UNC5C: variants seen among roughly 807,000 people sequenced by gnomAD.
The protein encoded by UNC5C is unc-5 netrin receptor C, also known as netrin receptor UNC5C.
UNC5C carries 47 observed loss-of-function variants against 99.8 expected under a neutral mutation model. The ratio of observed to expected loss-of-function variants is 0.47; its 90% confidence interval spans 0.37 to 0.60. UNC5C has a LOEUF of 0.60. Among genes scored for constraint, UNC5C ranks in the 20% least tolerant of loss-of-function variants. The probability of loss-of-function intolerance (pLI) is 0.00; values close to 1 mark genes in which losing one functional copy is unlikely to be tolerated. For missense variants in UNC5C, 1,062 were observed against 1,165.9 expected (o/e 0.91, Z 1.30); for synonymous variants, 487 against 452.2 (o/e 1.08, Z -0.98).
chr4:95,245,415 G>A (rs1423478969), intron 5 of UNC5C, among the ~76,000 whole-genome samples: 1 of 152,028 alleles, frequency 6.6e-6, no homozygotes, highest in Non-Finnish European at 1.5e-5. Flanking sequence ...TTTGGCCAGT[G>A]TTCTTAAAAA....
intron 14 of UNC5C, among the ~76,000 whole-genome samples, chr4:95,171,344 T>C (rs1017367131): frequency 6.6e-6 from 1 of 151,638 alleles, no homozygotes; most frequent in African/African-American, 2.4e-5. Context: ...TAACTCATCA[T>C]CTAGCATTAG....
intron 11 of UNC5C, among the ~76,000 whole-genome samples, chr4:95,204,509 G>A (rs576937870): frequency 6.6e-5 from 10 of 152,350 alleles, no homozygotes; most frequent in African/African-American, 2.2e-4. Flanking sequence ...AGGAATGCAG[G>A]CCAAGTATGG....
intron 1 of UNC5C, among the ~76,000 whole-genome samples, chr4:95,536,054 A>T (rs1055593889): frequency 1.6e-5 from 2 of 121,552 alleles, no homozygotes; most frequent in East Asian, 2.2e-4. Flanking sequence ...GTCCATATAC[A>T]TACATACATA....
Position 95,396,387 on chromosome 4 carries a change from A to G in UNC5C, c.125-60756T>C, listed in dbSNP as rs1295297170. On this transcript the variant is annotated intron_variant, in intron 1 of 15. Coordinates refer to ENST00000453304, the MANE Select transcript of UNC5C (RefSeq NM_003728.4). ...GAGATAAGAAGAGGAGAGAAATGAT[A>G]TACATTTTCTTTTCTCAGGGAAATA... Among the ~76,000 whole-genome samples, 4 of 152,330 alleles carry G rather than the reference A, an allele frequency of 2.6e-5. No homozygotes were observed. The East Asian group carries it at 7.7e-4, about 29-fold the overall frequency.
At chr4:95,265,515 AAC>A (rs1269026322) in intron 4 of UNC5C, among the ~76,000 whole-genome samples, 1 of 152,234 alleles carries the variant, frequency 6.6e-6, no homozygotes, top group Non-Finnish European at 1.5e-5. Context: ...TATAAATAAT[AAC>A]ACACAACACA....
chr4:95,417,690 G>A (rs77438170), intron 1 of UNC5C, among the ~76,000 whole-genome samples: 3,520 of 152,192 alleles, frequency 0.023, 165 homozygotes, highest in African/African-American at 0.08. Flanking sequence ...ACGGGGGCAG[G>A]CACAAAGGGA....
At chr4:95,489,578 A>G (rs1269155919) in intron 1 of UNC5C, among the ~76,000 whole-genome samples, 1 of 151,684 alleles carries the variant, frequency 6.6e-6, no homozygotes, top group Middle Eastern at 3.2e-3. Context: ...GAAGCAAGAA[A>G]CAGTTAGATT....
intron 5 of UNC5C, among the ~76,000 whole-genome samples, chr4:95,249,350 C>T (rs1347603268): frequency 3.9e-5 from 6 of 152,270 alleles, no homozygotes; most frequent in Middle Eastern, 3.4e-3. Context: ...CCAAGGCCCA[C>T]GGAGTTTAAC....
chr4:95,205,414 G>A lies in UNC5C; in HGVS notation c.1902+1214C>T, dbSNP rs149308569. Among the ~76,000 whole-genome samples the A allele has an allele frequency of 3.6e-3, 545 of 152,082 alleles. 4 individuals are homozygous for A. Among genetic ancestry groups the A allele is most frequent in the South Asian group, 6.8e-3 (33 of 4,820 alleles). ...TTTATTTATTTATTATGTACGCTTC[G>A]GCAAGCAGTGATCCCCTGATATGGT... On this transcript the variant is annotated intron_variant, in intron 11 of 15. Coordinates refer to ENST00000453304, the MANE Select transcript of UNC5C (RefSeq NM_003728.4).
intron 1 of UNC5C, among the ~76,000 whole-genome samples, chr4:95,524,052 A>G (rs989745888): frequency 1.3e-5 from 2 of 152,324 alleles, no homozygotes; most frequent in Non-Finnish European, 2.9e-5. Context: ...CTTTTTGCAT[A>G]GTGATGATTC....
intron 1 of UNC5C, among the ~76,000 whole-genome samples, chr4:95,443,298 G>A (rs1747004283): frequency 6.6e-6 from 1 of 152,160 alleles, no homozygotes; most frequent in African/African-American, 2.4e-5. Context: ...ATCAGGGAGG[G>A]CCTCAGAGGT....
intron 1 of UNC5C, among the ~76,000 whole-genome samples, chr4:95,397,009 T>C (rs1170723884): frequency 1.3e-5 from 2 of 152,042 alleles, no homozygotes; most frequent in African/African-American, 4.8e-5. Context: ...ATGGGTTTGA[T>C]GCATTCAGGG....
At chr4:95,528,758 A>G (rs1445755540) in intron 1 of UNC5C, among the ~76,000 whole-genome samples, 2 of 152,182 alleles carry the variant, frequency 1.3e-5, no homozygotes, top group Non-Finnish European at 1.5e-5. Flanking sequence ...AGGTAAAGAC[A>G]AGAGCTGTTA....
At chr4:95,354,260 C>A (rs1229351388) in intron 1 of UNC5C, among the ~76,000 whole-genome samples, 1 of 151,880 alleles carries the variant, frequency 6.6e-6, no homozygotes, top group African/African-American at 2.4e-5. Flanking sequence ...TGTAGCTCCT[C>A]GTTTCCTATA....
chr4:95,454,255 G>A (rs368676046), intron 1 of UNC5C, among the ~76,000 whole-genome samples: 1 of 148,534 alleles, frequency 6.7e-6, no homozygotes, highest in South Asian at 2.2e-4. Flanking sequence ...AAAATTTAGA[G>A]TCAATCAGAC....
intron 1 of UNC5C, among the ~76,000 whole-genome samples, chr4:95,466,056 G>T (rs1747766557): frequency 6.6e-6 from 1 of 152,180 alleles, no homozygotes. Flanking sequence ...TCAATCATAT[G>T]TTTTTAATGC....
intron 7 of UNC5C, among the ~76,000 whole-genome samples, chr4:95,223,001 A>G (rs1738530606): frequency 6.6e-6 from 1 of 152,214 alleles, no homozygotes; most frequent in Non-Finnish European, 1.5e-5. Context: ...TGGGAAAAAT[A>G]AAAACTTTCA....
chr4:95,457,205 C>A (rs555228026), intron 1 of UNC5C, among the ~76,000 whole-genome samples: 1 of 152,006 alleles, frequency 6.6e-6, no homozygotes, highest in South Asian at 2.1e-4. Flanking sequence ...TAGCAATATC[C>A]CTATTTCCTG....
intron 4 of UNC5C, among the ~76,000 whole-genome samples, chr4:95,253,726 C>T (rs968654282): frequency 5.9e-5 from 9 of 152,286 alleles, no homozygotes; most frequent in Middle Eastern, 3.4e-3. Flanking sequence ...CAAGACCCCA[C>T]AGTCCCCAAC....
Sources: gnomAD v4.1 joint callset for allele counts (sites outside exome capture counted in the v4.1 genomes callset) on GRCh38, gnomAD v4.1.1 for gene constraint, MANE v1.5 for transcripts, NCBI Gene and HGNC (gene_info 2026-07-23, HGNC 2026-07-21) for gene names.